The following CPEB3 variants were observed in gnomAD, a reference collection of about 807,000 sequenced individuals.
CPEB3 encodes the protein cytoplasmic polyadenylation element binding protein 3.
Under a neutral mutation model 67.2 loss-of-function variants are expected in CPEB3, and 20 were observed. The ratio of observed to expected loss-of-function variants is 0.30; its 90% CI spans 0.21 to 0.43. The LOEUF is 0.43. Among genes scored for constraint, CPEB3 ranks in the 20% least tolerant of loss-of-function variants. The probability of loss-of-function intolerance (pLI) is 1.00; values close to 1 mark genes in which losing one functional copy is unlikely to be tolerated. For synonymous variants in CPEB3, 376 were observed against 393.1 expected, an observed-to-expected ratio of 0.96 and a Z score of 0.51; for missense variants, 746 against 968.6, an observed-to-expected ratio of 0.77 and a Z score of 3.05.
At chr10:92,060,457 G>C (rs1432481874) in intron 9 of CPEB3, among the ~76,000 whole-genome samples, 1 of 152,080 alleles carries the variant, frequency 6.6e-6, no homozygotes, top group Non-Finnish European at 1.5e-5. Flanking sequence ...ATTGGTCTTG[G>C]CAAAAATTTC....
rs1453193458 is a variant in CPEB3, at chr10:92,290,939, A to T, written c.-25T>A. ...GGGAGGGCTGACCTTGTTGCTACCGACAGTGGAGCGGCGCATCCTGCTGCT... is the reference window on the plus strand; with the variant it reads ...GGGAGGGCTGACCTTGTTGCTACCGTCAGTGGAGCGGCGCATCCTGCTGCT... On this transcript the variant is annotated 5_prime_UTR_variant, in exon 1 of 10. The change creates a premature stop within an existing upstream ORF in the 5' untranslated region. Transcript: ENST00000265997. The T allele has an allele frequency of 6.3e-6, 1 of 158,030 alleles. No individual in the cohort carries two copies. Among genetic ancestry groups the T allele is most frequent in the African/African-American group, 2.4e-5 (1 of 41,468 alleles). The allele number at this position is 158,030 out of a possible 1,614,324, so 9.8% of individuals were successfully genotyped here.
chr10:92,194,796 C>T (rs1209688150), intron 2 of CPEB3, among the ~76,000 whole-genome samples: 1 of 152,078 alleles, frequency 6.6e-6, no homozygotes, highest in East Asian at 1.9e-4. Context: ...AATCCCAGCA[C>T]TTTGGGAGGC....
At chr10:92,216,143 T>C (rs1237333929) in intron 2 of CPEB3, among the ~76,000 whole-genome samples, 1 of 150,202 alleles carries the variant, frequency 6.7e-6, no homozygotes, top group Non-Finnish European at 1.5e-5. Flanking sequence ...TTTAAATATA[T>C]ATATATTTTG....
intron 7 of CPEB3, among the ~76,000 whole-genome samples, chr10:92,098,501 G>A (rs1844004762): frequency 2.0e-5 from 3 of 151,980 alleles, no homozygotes; most frequent in African/African-American, 4.8e-5. Context: ...TAGAGACGGG[G>A]TTTCTCCATG....
chr10:92,203,444 A>ATATATATACGTATATATGTATATG (rs1849622459), intron 2 of CPEB3, among the ~76,000 whole-genome samples: 5 of 118,464 alleles, frequency 4.2e-5, no homozygotes, highest in African/African-American at 3.7e-4. Context: ...ATGTATATGT[A>ATATATATACGTATATATGTATATG]TATATATACG....
intron 9 of CPEB3, among the ~76,000 whole-genome samples, chr10:92,070,019 A>T (rs546264094): frequency 6.6e-6 from 1 of 152,202 alleles, no homozygotes; most frequent in Non-Finnish European, 1.5e-5. Flanking sequence ...TACATGGTAG[A>T]TGGGACACAT....
chr10:92,244,183 C>T (rs1851962982), intron 1 of CPEB3, among the ~76,000 whole-genome samples: 1 of 151,736 alleles, frequency 6.6e-6, no homozygotes, highest in African/African-American at 2.4e-5. Flanking sequence ...CCCATCTCTA[C>T]TAAAAATACA....
intron 1 of CPEB3, among the ~76,000 whole-genome samples, chr10:92,250,858 ATTTTTTTTT>A (rs1211646953): frequency 7.1e-4 from 74 of 104,118 alleles, no homozygotes; most frequent in African/African-American, 2.3e-3. Context: ...CACACAGTTA[ATTTTTTTTT>A]TTTTTTTTTT....
chr10:92,275,275 C>T (rs1353820214), intron 1 of CPEB3, among the ~76,000 whole-genome samples: 1 of 152,156 alleles, frequency 6.6e-6, no homozygotes, highest in Non-Finnish European at 1.5e-5. Flanking sequence ...CTGTAACATC[C>T]CTCAGTGTAA....
intron 3 of CPEB3, among the ~76,000 whole-genome samples, chr10:92,189,080 C>A (rs1307827419): frequency 6.6e-6 from 1 of 152,146 alleles, no homozygotes; most frequent in African/African-American, 2.4e-5. Flanking sequence ...TTACTGAATA[C>A]ATTTCTAAGA....
rs532616327 is a variant in CPEB3 at position 92,062,746 on chromosome 10, C to T, written c.1870-10307G>A. Among the ~76,000 whole-genome samples, 188 of 152,334 alleles carry T rather than the reference C, an allele frequency of 1.2e-3. 1 individual carries two copies. The highest frequency in any genetic ancestry group is 1.7e-3 in the Non-Finnish European group (117 of 68,024). ...AAACCGGCTTATCTGTTAACCACTA[C>T]GATTACCTGGAATATCATTAACCTA... On this transcript the variant is annotated intron_variant, in intron 9 of 9. Coordinates refer to ENST00000265997, the MANE Select transcript of CPEB3 (RefSeq NM_014912.5).
At chr10:92,240,915 T>C (rs916612509) in intron 1 of CPEB3, among the ~76,000 whole-genome samples, 4 of 152,264 alleles carry the variant, frequency 2.6e-5, no homozygotes, top group East Asian at 1.9e-4. Flanking sequence ...AACTGCCTTC[T>C]TGCGTTGGTA....
Position 92,098,473 on chromosome 10 carries a change from C to T in CPEB3, c.1573-6529G>A, listed in dbSNP as rs184051284. ...ACAAGGCATGCACCACCACGCCTGG[C>T]TAATTTTGTATTTTTAGTAGAGACG... On this transcript the variant is annotated intron_variant, in intron 7 of 9. Transcript: ENST00000265997. Among the ~76,000 whole-genome samples, 30 of 152,048 alleles carry T rather than the reference C, an allele frequency of 2.0e-4. No homozygotes were observed. The East Asian group carries it at 4.9e-3, about 25-fold the overall frequency.
chr10:92,085,347 A>G (rs948612827), intron 8 of CPEB3, among the ~76,000 whole-genome samples: 1 of 152,212 alleles, frequency 6.6e-6, no homozygotes, highest in Non-Finnish European at 1.5e-5. Context: ...TACTTTGGAC[A>G]AGATGCTCTG....
At chr10:92,234,349 C>T (rs1008071735) in intron 2 of CPEB3, among the ~76,000 whole-genome samples, 8 of 151,984 alleles carry the variant, frequency 5.3e-5, no homozygotes, top group African/African-American at 1.7e-4. Flanking sequence ...AAATTATAAC[C>T]GATGAATCTT....
rs142739616 is a variant in CPEB3 at position 92,075,087 on chromosome 10, G to A, written c.1869+6233C>T. ...CTGTGAGGAACTCCTAGTAGAAGAA[G>A]CCTCTTCCACTTCTCTTAGTCCTCC... On this transcript the variant is annotated intron_variant, in intron 9 of 9. Transcript: ENST00000265997. Among the ~76,000 whole-genome samples, 10 of 152,288 alleles carry A rather than the reference G, an allele frequency of 6.6e-5. No homozygotes were observed. The East Asian group carries it at 1.9e-3, about 29-fold the overall frequency.
intron 6 of CPEB3, among the ~76,000 whole-genome samples, chr10:92,129,913 A>T (rs1845768273): frequency 1.3e-5 from 2 of 152,056 alleles, no homozygotes; most frequent in African/African-American, 2.4e-5. Context: ...CAGGCATGGT[A>T]GTGAGTGCAG....
intron 3 of CPEB3, among the ~76,000 whole-genome samples, chr10:92,182,552 G>A (rs902681563): frequency 1.8e-4 from 27 of 152,140 alleles, no homozygotes; most frequent in Admixed American, 8.5e-4. Flanking sequence ...AAGGCCGGGC[G>A]CAGTGGTTCA....
intron 3 of CPEB3, 60 bp downstream of exon 3, chr10:92,192,417 T>G: frequency 6.8e-7 from 1 of 1,479,608 alleles, no homozygotes; most frequent in Non-Finnish European, 9.2e-7. Context: ...TCAAAATTAT[T>G]AAAAAGCTGA....
Sources: allele counts gnomAD v4.1 joint callset (sites outside exome capture counted in the v4.1 genomes callset), GRCh38; gene constraint gnomAD v4.1.1; transcripts MANE v1.5; gene names NCBI Gene and HGNC (gene_info 2026-07-23, HGNC 2026-07-21).